NRG2: variants seen among roughly 807,000 people sequenced by gnomAD.
The protein encoded by NRG2 is neuregulin 2, also known as pro-neuregulin-2, membrane-bound isoform.
NRG2 carries 27 observed loss-of-function variants against 73.9 expected under a neutral mutation model. That is an observed-to-expected ratio of 0.37 (90% CI 0.27 to 0.50). NRG2 has a LOEUF of 0.50. NRG2 is among the 20% of genes least tolerant of loss of function. The probability of loss-of-function intolerance (pLI) is 0.96; values close to 1 mark genes in which losing one functional copy is unlikely to be tolerated. For missense variants in NRG2, 1,126 were observed against 1,210.1 expected, an observed-to-expected ratio of 0.93 and a Z score of 1.03; for synonymous variants, 532 against 541.0, an observed-to-expected ratio of 0.98 and a Z score of 0.23.
chr5:139,899,304 G>A (rs1764734542), intron 1 of NRG2, among the ~76,000 whole-genome samples: 2 of 152,204 alleles, frequency 1.3e-5, no homozygotes, highest in Admixed American at 1.3e-4. Flanking sequence ...GTACATTACT[G>A]GCCCCCATCC....
At position 139,951,951 on chromosome 5, in the gene NRG2, C is replaced by T. The variant is rs532049503; in HGVS notation, c.701-64440G>A. Among the ~76,000 whole-genome samples the T allele has an allele frequency of 3.3e-5, 5 of 152,292 alleles. No individual in the cohort carries two copies. In the East Asian group the frequency reaches 7.7e-4, roughly 24 times the overall value. On this transcript the variant is annotated intron_variant, in intron 1 of 9. Coordinates refer to ENST00000361474, the MANE Select transcript of NRG2 (RefSeq NM_004883.3). ...GGGTAGAGGCATTTACCAACTACAT[C>T]GCCAGGAAGAAAGCATGGCATAAGG...
intron 1 of NRG2, among the ~76,000 whole-genome samples, chr5:139,939,243 C>CCTTCCTTCCTTT (rs1307740870): frequency 2.9e-5 from 2 of 69,228 alleles, no homozygotes; most frequent in Non-Finnish European, 6.3e-5. Flanking sequence ...TTCCTTCCTT[C>CCTTCCTTCCTTT]CTTTCTTTCT....
Position 140,008,445 on chromosome 5 carries a change from C to T in NRG2, c.700+33925G>A, listed in dbSNP as rs141421420. Among the ~76,000 whole-genome samples, 1 of 152,342 alleles carries T rather than the reference C, an allele frequency of 6.6e-6. No homozygotes were observed. The highest frequency in any genetic ancestry group is 1.9e-4 in the East Asian group (1 of 5,186). The stretch of plus-strand genomic sequence containing the variant: ...GTAATGGTCATTTGGGTCTGACCTA[C>T]TCTCTCTAAGGTCTAGTCCTATTAT... On this transcript the variant is annotated intron_variant, in intron 1 of 9. Coordinates refer to ENST00000361474, the MANE Select transcript of NRG2 (RefSeq NM_004883.3). This position sits in a 1 kb window ranked among gnomAD's most constrained non-coding sequence, Gnocchi z 4.2.
chr5:139,870,562 A>G lies in NRG2; in HGVS notation c.1112+1159T>C, dbSNP rs888211639. 7.9e-5 allele frequency among the ~76,000 whole-genome samples: 12 copies of G among 152,054 alleles called. No homozygotes were observed. Among genetic ancestry groups the G allele is most frequent in the African/African-American group, 2.7e-4 (11 of 41,392 alleles). On this transcript the variant is annotated intron_variant, in intron 4 of 9. Transcript: ENST00000361474. The surrounding 1 kb of genome is among the most constrained non-coding windows in gnomAD (Gnocchi z 4.4). ...GGGGAGCTGAGAAGTGTTGAGTCTG[A>G]CCTTGCCTGGGGGAAGGTCAAACAT...
At chr5:140,006,797 T>A (rs1019768765) in intron 1 of NRG2, among the ~76,000 whole-genome samples, 1 of 152,216 alleles carries the variant, frequency 6.6e-6, no homozygotes, top group Non-Finnish European at 1.5e-5. Flanking sequence ...CTTTTATACT[T>A]CTCTGTTTCT....
chr5:139,893,401 G>T lies in NRG2; in HGVS notation c.701-5890C>A, dbSNP rs566645811. Among the ~76,000 whole-genome samples the T allele has an allele frequency of 2.6e-5, 4 of 152,308 alleles. No homozygotes were observed. The South Asian group carries it at 6.2e-4, about 24-fold the overall frequency. On this transcript the variant is annotated intron_variant, in intron 1 of 9. Transcript: ENST00000361474. ...CTCATGCAGAAAGGGGACCCTCAAAGGTCCAGCACACAGAAGAGTGGACAG... is the reference window on the plus strand; with the variant it reads ...CTCATGCAGAAAGGGGACCCTCAAATGTCCAGCACACAGAAGAGTGGACAG...
At chr5:139,857,245 GTTTC>G (rs1306002145) in intron 5 of NRG2, among the ~76,000 whole-genome samples, 1 of 152,166 alleles carries the variant, frequency 6.6e-6, no homozygotes, top group Non-Finnish European at 1.5e-5. Flanking sequence ...CTGGGCTCAG[GTTTC>G]TTTCTTTCCT....
intron 1 of NRG2, among the ~76,000 whole-genome samples, chr5:139,932,221 A>AGTGTGTGTGTGTGTGT (rs3056594): frequency 4.2e-5 from 6 of 141,370 alleles, no homozygotes; most frequent in Admixed American, 2.1e-4. Context: ...AAGAAAATGT[A>AGTGTGTGTGTGTGTGT]GTGTGTGTGT....
chr5:139,983,032 C>A (rs987545281), intron 1 of NRG2, among the ~76,000 whole-genome samples: 4 of 152,180 alleles, frequency 2.6e-5, no homozygotes, highest in East Asian at 3.9e-4. Context: ...AGCTCAGGAC[C>A]ACAGCTTCTG....
chr5:139,883,425 G>C (rs1261495055), intron 2 of NRG2, among the ~76,000 whole-genome samples: 3 of 151,986 alleles, frequency 2.0e-5, no homozygotes, highest in Non-Finnish European at 4.4e-5. Context: ...CCAGGATTTG[G>C]GGGGGCAGTT....
At position 139,918,971 on chromosome 5, in the gene NRG2, A is replaced by G. The variant is rs572386996; in HGVS notation, c.701-31460T>C. On this transcript the variant is annotated intron_variant, in intron 1 of 9. Coordinates refer to ENST00000361474, the MANE Select transcript of NRG2 (RefSeq NM_004883.3). ...AAAGTAAGAGGAGAATTTTCTTAGAAGAATAGGGTGAGTCAACAAGTAGCA... is the reference window on the plus strand; with the variant it reads ...AAAGTAAGAGGAGAATTTTCTTAGAGGAATAGGGTGAGTCAACAAGTAGCA... Among the ~76,000 whole-genome samples the G allele has an allele frequency of 6.6e-5, 10 of 152,330 alleles. No individual in the cohort carries two copies. In the South Asian group the frequency reaches 1.5e-3, roughly 22 times the overall value.
chr5:139,921,426 C>T (rs1225542318), intron 1 of NRG2, among the ~76,000 whole-genome samples: 2 of 151,980 alleles, frequency 1.3e-5, no homozygotes, highest in Non-Finnish European at 2.9e-5. Flanking sequence ...AACGGAGAGC[C>T]CAGAAATAGA....
In NRG2 at chr5:139,853,782, G is replaced by T. The variant is rs372531469; in HGVS notation, c.1293-755C>A. 5.9e-5 allele frequency among the ~76,000 whole-genome samples: 9 copies of T among 152,184 alleles called. No individual in the cohort carries two copies. Among genetic ancestry groups the T allele is most frequent in the African/African-American group, 2.2e-4 (9 of 41,448 alleles). On this transcript the variant is annotated intron_variant, in intron 6 of 9. Coordinates refer to ENST00000361474, the MANE Select transcript of NRG2 (RefSeq NM_004883.3). The surrounding 1 kb of genome is among the most constrained non-coding windows in gnomAD (Gnocchi z 4.1). ...GTTACCAGAGGCTGGGAAAGGAAGTGGGGGGTTGGGAGGGAGGTGGGGATG... is the reference window on the plus strand; with the variant it reads ...GTTACCAGAGGCTGGGAAAGGAAGTTGGGGGTTGGGAGGGAGGTGGGGATG...
intron 1 of NRG2, chr5:140,019,641 C>G (rs1760066188): frequency 6.6e-6 from 1 of 152,144 alleles, no homozygotes; most frequent in South Asian, 2.1e-4. Context: ...TCCATTATAA[C>G]TCCTGTGACA....
At chr5:139,946,795 A>G (rs1239200881) in intron 1 of NRG2, among the ~76,000 whole-genome samples, 2 of 152,130 alleles carry the variant, frequency 1.3e-5, no homozygotes, top group African/African-American at 4.8e-5. Context: ...CTGGTTAAAA[A>G]TGGGTTTAAT....
chr5:139,911,375 A>G (rs1260096503), intron 1 of NRG2, among the ~76,000 whole-genome samples: 2 of 152,130 alleles, frequency 1.3e-5, no homozygotes, highest in Non-Finnish European at 2.9e-5. Context: ...AAGGACTGGG[A>G]GTAGAGGAGC....
chr5:139,884,353 T>G (rs1763731443), intron 2 of NRG2, among the ~76,000 whole-genome samples: 1 of 152,032 alleles, frequency 6.6e-6, no homozygotes, highest in Non-Finnish European at 1.5e-5. Context: ...GCTGCCAGCA[T>G]AGGGAACAGC....
chr5:139,904,490 CCTTT>C lies in NRG2; in HGVS notation c.701-16983_701-16980del. 1.4e-6 allele frequency: 1 copy of C among 704,792 alleles called. No individual in the cohort carries two copies. Among genetic ancestry groups the C allele is most frequent in the South Asian group, 1.9e-5 (1 of 52,392 alleles). The allele number at this position is 704,792 out of a possible 1,614,324, so 43.7% of individuals were successfully genotyped here. A position where few individuals can be genotyped will look rare whatever the true frequency, so the allele number is the denominator to read the frequency against. The stretch of plus-strand genomic sequence containing the variant: ...GCAGCCTCAGTGCCCGAGCGCGGCG[CCTTT>C]CTTATAGGCGGTCACACCCTCCGGG... On this transcript the variant is annotated intron_variant, in intron 1 of 9. Transcript: ENST00000361474. The surrounding 1 kb of genome is among the most constrained non-coding windows in gnomAD (Gnocchi z 6.0).
intron 1 of NRG2, among the ~76,000 whole-genome samples, chr5:140,036,612 C>T (rs551708099): frequency 6.6e-6 from 1 of 152,310 alleles, no homozygotes; most frequent in African/African-American, 2.4e-5. Flanking sequence ...TCTTGAAATT[C>T]ATAAACTGGA....
Sources: gnomAD v4.1 joint callset for allele counts (sites outside exome capture counted in the v4.1 genomes callset) on GRCh38, gnomAD v4.1.1 for gene constraint, Gnocchi (gnomAD v3.1) non-coding constraint, MANE v1.5 for transcripts, NCBI Gene and HGNC (gene_info 2026-07-23, HGNC 2026-07-21) for gene names.